Variants in FGD3 observed in about 807,000 individuals in gnomAD.
The protein encoded by FGD3 is FYVE, RhoGEF and PH domain-containing protein 3.
In FGD3, 45 loss-of-function variants were observed where a neutral mutation model predicts 71.8. The ratio of observed to expected loss-of-function variants is 0.63; its 90% confidence interval spans 0.49 to 0.80. The LOEUF (loss-of-function observed/expected upper bound fraction) is 0.80. Among genes scored for constraint, FGD3 ranks in the 30% least tolerant of loss-of-function variants. The pLI, the probability that FGD3 is intolerant of heterozygous loss-of-function variation, is 0.00. For synonymous variants in FGD3, 378 were observed against 392.8 expected (o/e 0.96, Z 0.44); for missense variants, 844 against 951.5 (o/e 0.89, Z 1.49).
rs551049098 is a variant in FGD3, at chr9:93,020,480, G to A, written c.1494+56G>A. ...CTCCAGGGGACGGGCTACCTGTGGA[G>A]AGCAGAAGGCACTGGCGTCTGGGTG... On this transcript the variant is annotated intron_variant, in intron 13 of 17. Transcript: ENST00000375482. 17 of 1,491,860 alleles carry A rather than the reference G, an allele frequency of 1.1e-5. No homozygotes were observed. In the Admixed American group the frequency reaches 1.5e-4, roughly 13 times the overall value. The allele number at this position is 1,491,860 out of a possible 1,614,324, so 92.4% of individuals were successfully genotyped here.
chr9:92,968,040 C>T (rs536838116), intron 1 of FGD3, among the ~76,000 whole-genome samples: 4 of 152,242 alleles, frequency 2.6e-5, no homozygotes, highest in Non-Finnish European at 5.9e-5. Flanking sequence ...TGCTTTCAAA[C>T]CTTTTGGGAG....
rs201293276 is a variant in FGD3, at chr9:93,034,604, G to A, written c.1849G>A (p.Gly617Ser). 25 of 1,613,496 alleles carry A rather than the reference G, an allele frequency of 1.5e-5. No individual in the cohort carries two copies. The highest frequency in any genetic ancestry group is 6.7e-5 in the Admixed American group (4 of 60,010). The change falls in exon 17 of 18, where the codon GGT (glycine) becomes AGT (serine). Residue 617 changes from glycine (G) to serine (S), a missense_variant. Transcript: ENST00000375482. ...LCGPLRLSESGETWSEVWAAI... is the reference protein window; with the variant it reads ...LCGPLRLSESSETWSEVWAAI... ...CGGCCCCCTGCGGCTGTCAGAGAGC[G>A]GTGAGACCTGGAGCGAGGTGTGGGC... is the stretch of plus-strand genomic sequence containing the variant.
chr9:93,010,696 G>C (rs1193187317), intron 7 of FGD3, among the ~76,000 whole-genome samples: 1 of 98,942 alleles, frequency 1.0e-5, no homozygotes, highest in Non-Finnish European at 2.0e-5. Flanking sequence ...GGAGGAGAGA[G>C]AGACACACAG....
At chr9:92,953,114 G>A (rs1029608605) in intron 1 of FGD3, among the ~76,000 whole-genome samples, 2 of 152,180 alleles carry the variant, frequency 1.3e-5, no homozygotes, top group Non-Finnish European at 2.9e-5. Flanking sequence ...AACAATGCTG[G>A]AATTATCCTT....
chr9:93,024,443 G>A (rs573531875), intron 14 of FGD3, among the ~76,000 whole-genome samples: 80 of 152,370 alleles, frequency 5.3e-4, no homozygotes, highest in African/African-American at 1.8e-3. Flanking sequence ...GCTCACATAA[G>A]GTATGAACTT....
chr9:93,000,787 G>T (rs1456128003), intron 3 of FGD3, among the ~76,000 whole-genome samples: 1 of 152,098 alleles, frequency 6.6e-6, no homozygotes, highest in African/African-American at 2.4e-5. Flanking sequence ...ATTTACCCCA[G>T]TTGGAGGTCT....
intron 1 of FGD3, among the ~76,000 whole-genome samples, chr9:92,957,350 C>T (rs1859075527): frequency 6.6e-6 from 1 of 152,208 alleles, no homozygotes. Flanking sequence ...GTTACGTTTG[C>T]TCCACATCCT....
intron 1 of FGD3, among the ~76,000 whole-genome samples, chr9:92,951,066 C>T (rs1190072479): frequency 6.6e-6 from 1 of 152,152 alleles, no homozygotes; most frequent in Non-Finnish European, 1.5e-5. Context: ...TGGCCAGGGG[C>T]TGCTGAGACA....
chr9:93,018,883 G>A (rs1457168966), intron 11 of FGD3, among the ~76,000 whole-genome samples: 6 of 151,820 alleles, frequency 4.0e-5, no homozygotes, highest in African/African-American at 7.3e-5. Flanking sequence ...ACGGAGTTTC[G>A]CTCCCAGGCT....
rs183060001 is a variant in FGD3, at chr9:92,962,951, A to G, written c.-217-12287A>G. 3.0e-3 allele frequency among the ~76,000 whole-genome samples: 454 copies of G among 151,040 alleles called. 2 individuals are homozygous for G. The highest frequency in any genetic ancestry group is 4.7e-3 in the Non-Finnish European group (318 of 67,914). ...TGAGGCTCCGTCTCAAAAAAAAAAA[A>G]AAAAAGAAAAGAAAAGATTAAGTTC... On this transcript the variant is annotated intron_variant, in intron 1 of 17. Coordinates refer to ENST00000375482, the MANE Select transcript of FGD3 (RefSeq NM_001083536.2).
chr9:92,978,085 C>G (rs1859836266), intron 3 of FGD3, among the ~76,000 whole-genome samples: 1 of 152,044 alleles, frequency 6.6e-6, no homozygotes, highest in Non-Finnish European at 1.5e-5. Context: ...GAGTTTGAGA[C>G]CAGCCTGACC....
chr9:92,997,762 G>T (rs1860702937), intron 3 of FGD3, among the ~76,000 whole-genome samples: 1 of 152,112 alleles, frequency 6.6e-6, no homozygotes, highest in African/African-American at 2.4e-5. Context: ...TGAAATTCTG[G>T]GTTGAAAATA....
chr9:92,976,772 A>G lies in FGD3; in HGVS notation c.453+63A>G, dbSNP rs1033222911. On this transcript the variant is annotated intron_variant, in intron 3 of 17. Transcript: ENST00000375482. ...GGCCTTTCCTTAGGAGGGGTTTGAG[A>G]TTTTCAGTGGGCGTCATCCCACACC... 5 of 1,456,324 alleles carry G rather than the reference A, an allele frequency of 3.4e-6. No homozygotes were observed. The African/African-American group carries it at 5.7e-5, about 17-fold the overall frequency. 90.2% of individuals were successfully genotyped at this position (1,456,324 alleles called of 1,614,324 possible).
At chr9:92,984,533 G>GATTTTGCTA (rs1300048776) in intron 3 of FGD3, among the ~76,000 whole-genome samples, 1 of 152,162 alleles carries the variant, frequency 6.6e-6, no homozygotes, top group South Asian at 2.1e-4. Context: ...ATTTTTGCTA[G>GATTTTGCTA]GGTTTGTCCA....
intron 13 of FGD3, 136 bp downstream of exon 13, chr9:93,020,560 C>A (rs1172265439): frequency 1.5e-6 from 1 of 675,128 alleles, no homozygotes; most frequent in Non-Finnish European, 2.6e-6. Flanking sequence ...GGACAGCGGG[C>A]ACTCCCTTGT....
intron 13 of FGD3, among the ~76,000 whole-genome samples, chr9:93,020,925 G>A (rs1387106806): frequency 2.0e-5 from 3 of 152,248 alleles, no homozygotes; most frequent in African/African-American, 7.2e-5. Flanking sequence ...AGCTGGGCGG[G>A]AAAGCAGGAT....
intron 9 of FGD3, among the ~76,000 whole-genome samples, chr9:93,014,523 G>GTT (rs34867489): frequency 1.3e-5 from 2 of 151,060 alleles, no homozygotes; most frequent in African/African-American, 2.4e-5. Flanking sequence ...TCTTTGAAAG[G>GTT]TTTTTTTTTA....
At chr9:92,956,834 CTTTCTTTTTTTT>C (rs1859060907) in intron 1 of FGD3, among the ~76,000 whole-genome samples, 1 of 127,748 alleles carries the variant, frequency 7.8e-6, no homozygotes, top group Non-Finnish European at 1.6e-5. Context: ...TAATTGCTTT[CTTTCTTTTTTTT>C]TTTTTTTTTG....
chr9:93,027,735 TTTGAG>T (rs1424121293), intron 14 of FGD3, among the ~76,000 whole-genome samples: 2 of 128,794 alleles, frequency 1.6e-5, no homozygotes, highest in Non-Finnish European at 3.4e-5. Flanking sequence ...TTTTTTTTTT[TTTGAG>T]TTGGGATCTT....
Sources: gnomAD v4.1 joint callset for allele counts (sites outside exome capture counted in the v4.1 genomes callset) on GRCh38, gnomAD v4.1.1 for gene constraint, MANE v1.5 for transcripts, NCBI Gene and HGNC (gene_info 2026-07-23, HGNC 2026-07-21) for gene names.